UBE3C: variants seen among roughly 807,000 people sequenced by gnomAD.
UBE3C encodes ubiquitin protein ligase E3C, also known as ubiquitin-protein ligase E3C.
Under a neutral mutation model 129.4 loss-of-function variants are expected in UBE3C, and 42 were observed. That is an observed-to-expected ratio of 0.32 (90% CI 0.25 to 0.42). The LOEUF is 0.42. Among genes scored for constraint, UBE3C ranks in the 10% least tolerant of loss-of-function variants. The pLI is 1.00. For missense variants in UBE3C, 1,049 were observed against 1,319.1 expected, an observed-to-expected ratio of 0.80 and a Z score of 3.17; for synonymous variants, 510 against 492.4, an observed-to-expected ratio of 1.04 and a Z score of -0.47.
At position 157,193,730 on chromosome 7, in the gene UBE3C, G is replaced by A. The variant is rs1319255479; in HGVS notation, c.1331+6709G>A. Among the ~76,000 whole-genome samples, 5 of 144,928 alleles carry A rather than the reference G, an allele frequency of 3.4e-5. No homozygotes were observed. In the East Asian group the frequency reaches 1.0e-3, roughly 29 times the overall value. ...GACATTTGAAACTTTTTGATTACAT[G>A]CATCATGCAAAATGACTGACCTCAC... On this transcript the variant is annotated intron_variant, in intron 10 of 22. Transcript: ENST00000348165.
intron 1 of UBE3C, among the ~76,000 whole-genome samples, chr7:157,143,413 A>T (rs1807513646): frequency 6.6e-6 from 1 of 152,204 alleles, no homozygotes; most frequent in Non-Finnish European, 1.5e-5. Context: ...AAGGTCAGAA[A>T]CACCCAGATA....
intron 22 of UBE3C, among the ~76,000 whole-genome samples, chr7:157,263,663 C>CAA (rs375631649): frequency 1.0e-4 from 8 of 76,264 alleles, no homozygotes; most frequent in South Asian, 4.5e-4. Flanking sequence ...GACGCCAACT[C>CAA]AAAAAAAAAA....
intron 22 of UBE3C, among the ~76,000 whole-genome samples, chr7:157,263,769 T>TA (rs1240327942): frequency 1.3e-5 from 2 of 151,146 alleles, no homozygotes; most frequent in East Asian, 3.9e-4. Flanking sequence ...TTTTTTTTTT[T>TA]ACCTTTCAGT....
chr7:157,173,807 C>A (rs1247602784), intron 4 of UBE3C, among the ~76,000 whole-genome samples: 1 of 152,092 alleles, frequency 6.6e-6, no homozygotes, highest in African/African-American at 2.4e-5. Flanking sequence ...CTTATTCATT[C>A]CTGAGAAAAT....
intron 5 of UBE3C, among the ~76,000 whole-genome samples, chr7:157,176,819 G>T (rs1245479546): frequency 6.6e-6 from 1 of 152,122 alleles, no homozygotes; most frequent in Non-Finnish European, 1.5e-5. Flanking sequence ...CAGGCCTGGG[G>T]CTGTTTTCTC....
At chr7:157,144,325 G>A (rs1807541673) in intron 1 of UBE3C, among the ~76,000 whole-genome samples, 1 of 152,220 alleles carries the variant, frequency 6.6e-6, no homozygotes, top group Non-Finnish European at 1.5e-5. Flanking sequence ...CAAGGCAACA[G>A]TGTAGACCTT....
rs1226536865 is a variant in UBE3C, at chr7:157,179,287, T to C, written c.616+440T>C. ...AAGAGCCTTATGAAAAAGTAAATTT[T>C]GTTAAATGATTTTTCTTCCAAGAGT... is the stretch of plus-strand genomic sequence containing the variant. On this transcript the variant is annotated intron_variant, in intron 6 of 22. Transcript: ENST00000348165. 2.0e-5 allele frequency among the ~76,000 whole-genome samples: 3 copies of C among 152,202 alleles called. No individual in the cohort carries two copies. In the South Asian group the frequency reaches 6.2e-4, roughly 32 times the overall value.
In UBE3C at chr7:157,178,760, T is replaced by G; in HGVS notation, c.529T>G (p.Ser177Ala). ...LPMRMLEVFS[S>A]ENTYLPVLQD... ...AATGAGAATGCTTGAAGTATTTTCG[T>G]CTGAGAATACTTACTTGCCTGTTTT... The change falls in exon 6 of 23, where the codon TCT becomes GCT. Residue 177 changes from serine to alanine, a missense_variant. Physicochemically the swap from Ser to Ala is moderately conservative, Grantham distance 99. Around this residue, in one of 4 missense-constraint regions of UBE3C, gnomAD observed 489 missense variants for 513.8 expected, o/e 0.95. Coordinates refer to ENST00000348165, the MANE Select transcript of UBE3C (RefSeq NM_014671.3). 1 of 1,614,202 alleles carries G rather than the reference T, an allele frequency of 6.2e-7. No homozygotes were observed. The highest frequency in any genetic ancestry group is 8.5e-7 in the Non-Finnish European group (1 of 1,180,016).
intron 10 of UBE3C, chr7:157,198,128 A>G: frequency 6.2e-7 from 1 of 1,612,784 alleles, no homozygotes; most frequent in Non-Finnish European, 8.5e-7. Context: ...ATTCTCCATC[A>G]TCTAAACTGA....
At position 157,254,132 on chromosome 7, in the gene UBE3C, A is replaced by G; in HGVS notation, c.2873A>G (p.Gln958Arg). The G allele has an allele frequency of 7.5e-6, 12 of 1,610,526 alleles. No individual in the cohort carries two copies. The highest frequency in any genetic ancestry group is 1.0e-5 in the Non-Finnish European group (12 of 1,178,066). The change falls in exon 20 of 23, where the codon CAA becomes CGA. Residue 958 changes from glutamine to arginine, a missense_variant. By Grantham distance (43) the Gln-to-Arg change is conservative (BLOSUM62 1). Coordinates refer to ENST00000348165, the MANE Select transcript of UBE3C (RefSeq NM_014671.3). ...SLEWLRMFDQ[Q>R]EIQVLISGAQ... ...GAGTGGCTCCGAATGTTTGATCAGC[A>G]AGAAATTCAGGTACCCTACCTGCTG...
At chr7:157,179,334 A>G (rs1394211124) in intron 6 of UBE3C, among the ~76,000 whole-genome samples, 2 of 152,114 alleles carry the variant, frequency 1.3e-5, no homozygotes, top group African/African-American at 4.8e-5. Flanking sequence ...ACATTAGTTC[A>G]GTAGAAGAGA....
intron 22 of UBE3C, among the ~76,000 whole-genome samples, chr7:157,258,143 C>A (rs1332016886): frequency 6.6e-6 from 1 of 151,998 alleles, no homozygotes; most frequent in African/African-American, 2.4e-5. Context: ...AGAAGGGTTT[C>A]ACTGTATTCC....
chr7:157,177,688 G>A (rs755932483), intron 5 of UBE3C, among the ~76,000 whole-genome samples: 1 of 152,210 alleles, frequency 6.6e-6, no homozygotes, highest in Non-Finnish European at 1.5e-5. Flanking sequence ...TGGGTGTCCT[G>A]CCCAGCCTGC....
chr7:157,204,340 C>T (rs1809371449), intron 11 of UBE3C, among the ~76,000 whole-genome samples: 1 of 147,762 alleles, frequency 6.8e-6, no homozygotes, highest in Admixed American at 7.2e-5. Context: ...GCATATTCTC[C>T]TGAGACGAGA....
intron 10 of UBE3C, among the ~76,000 whole-genome samples, chr7:157,189,951 T>C (rs1316505449): frequency 6.6e-6 from 1 of 152,000 alleles, no homozygotes. Context: ...CGGGCACCCA[T>C]CACCATGCCC....
chr7:157,178,158 G>A (rs869300), intron 5 of UBE3C, among the ~76,000 whole-genome samples: 25,564 of 151,982 alleles, frequency 0.17, 2,416 homozygotes, highest in East Asian at 0.35. Flanking sequence ...TGCTTGTGCT[G>A]CCCTCTCTAA....
intron 14 of UBE3C, 47 bp downstream of exon 14, chr7:157,217,018 C>A: frequency 7.0e-7 from 1 of 1,426,756 alleles, no homozygotes; most frequent in African/African-American, 1.4e-5. Flanking sequence ...AAAATACATT[C>A]AGCTTGTGTC....
intron 19 of UBE3C, among the ~76,000 whole-genome samples, chr7:157,251,552 C>G (rs896569876): frequency 3.3e-5 from 5 of 152,028 alleles, no homozygotes; most frequent in African/African-American, 1.2e-4. Context: ...GTGTGAGTGC[C>G]GGAGGATGAA....
intron 1 of UBE3C, among the ~76,000 whole-genome samples, chr7:157,146,668 T>C (rs1200143743): frequency 6.6e-6 from 1 of 152,056 alleles, no homozygotes; most frequent in African/African-American, 2.4e-5. Context: ...TAAACTTTTT[T>C]TTAATTTGAG....
Sources: allele counts gnomAD v4.1 joint callset (sites outside exome capture counted in the v4.1 genomes callset), GRCh38; gene constraint gnomAD v4.1.1; regional missense constraint gnomAD v4.1.1; transcripts MANE v1.5; gene names NCBI Gene and HGNC (gene_info 2026-07-23, HGNC 2026-07-21).